The following ANK3 variants were observed in gnomAD, a reference collection of about 807,000 sequenced individuals.
The protein encoded by ANK3 is ankyrin 3.
Under a neutral mutation model 370.9 loss-of-function variants are expected in ANK3, and 57 were observed. The observed-to-expected ratio is 0.15, with a 90% CI of 0.12 to 0.19. The LOEUF (loss-of-function observed/expected upper bound fraction) is 0.19. Ranked by LOEUF, ANK3 falls within the 10% of genes least tolerant of loss-of-function variation. The pLI is 1.00. For synonymous variants in ANK3, 1,929 were observed against 1,946.3 expected (o/e 0.99, Z 0.23); for missense variants, 4,439 against 5,302.1 (o/e 0.84, Z 5.06).
intron 2 of ANK3, among the ~76,000 whole-genome samples, chr10:60,420,611 C>A (rs2063758507): frequency 6.6e-6 from 1 of 151,976 alleles, no homozygotes; most frequent in South Asian, 2.1e-4. Flanking sequence ...GTTTCTAGGA[C>A]AGTATTGTGC....
chr10:60,098,018 G>C (rs2090472869), intron 28 of ANK3, among the ~76,000 whole-genome samples: 1 of 152,164 alleles, frequency 6.6e-6, no homozygotes, highest in African/African-American at 2.4e-5. Flanking sequence ...ACTGTAGACA[G>C]GTGCCCAGGG....
chr10:60,080,237 T>G (rs1454685381), intron 36 of ANK3, among the ~76,000 whole-genome samples: 2 of 148,112 alleles, frequency 1.4e-5, no homozygotes, highest in Non-Finnish European at 2.9e-5. Context: ...ACATTCATAT[T>G]TATCTCCTAG....
intron 1 of ANK3, among the ~76,000 whole-genome samples, chr10:60,326,994 T>C (rs992690767): frequency 2.0e-5 from 3 of 147,396 alleles, no homozygotes; most frequent in Non-Finnish European, 2.9e-5. Context: ...CACTCCAGCC[T>C]GGGCGACCGA....
At chr10:60,395,590 TTCTTTC>T (rs2063211087) in intron 2 of ANK3, among the ~76,000 whole-genome samples, 1 of 122,992 alleles carries the variant, frequency 8.1e-6, no homozygotes, top group South Asian at 2.7e-4. Context: ...CTTTCTTTCT[TTCTTTC>T]TTTCTTTCTT....
intron 2 of ANK3, among the ~76,000 whole-genome samples, chr10:60,406,750 C>T (rs1455381586): frequency 6.6e-6 from 1 of 152,170 alleles, no homozygotes; most frequent in African/African-American, 2.4e-5. Context: ...TTTCCTATCA[C>T]TTGGGTTTAT....
Position 60,071,159 on chromosome 10 carries a change from T to C in ANK3, c.9722A>G (p.Asn3241Ser). 1 of 1,614,134 alleles carries C rather than the reference T, an allele frequency of 6.2e-7. No homozygotes were observed. Among genetic ancestry groups the C allele is most frequent in the Non-Finnish European group, 8.5e-7 (1 of 1,180,002 alleles). ...AACTCTGTTATTTTTGGGTCTTTGG[T>C]TAGAGTCTTTGCTCACGTCATTAGG... ...EMPNDVSKDSNQRPKNNRVAY... is the reference protein window; with the variant it reads ...EMPNDVSKDSSQRPKNNRVAY... The change falls in exon 37 of 44, where the codon AAC becomes AGC. Residue 3241 changes from asparagine (N) to serine (S), a missense_variant. Physicochemically the swap from Asn to Ser is conservative, Grantham distance 46 (BLOSUM62 1). Around this residue, in one of 13 missense-constraint regions of ANK3, gnomAD observed 1,601 missense variants for 1,731.7 expected, o/e 0.92. Coordinates refer to ENST00000280772, the MANE Select transcript of ANK3 (RefSeq NM_020987.5).
At chr10:60,181,474 A>C in intron 17 of ANK3, 47 bp from the exon 18 acceptor site, 5 of 1,521,684 alleles carry the variant, frequency 3.3e-6, no homozygotes, top group Non-Finnish European at 4.6e-6. Context: ...AAGGAATGTC[A>C]CACACATAGC....
chr10:60,296,034 C>T (rs1165703669), intron 1 of ANK3, among the ~76,000 whole-genome samples: 2 of 152,002 alleles, frequency 1.3e-5, no homozygotes, highest in African/African-American at 2.4e-5. Context: ...CTAACACCTC[C>T]GAAGAGAACA....
intron 2 of ANK3, among the ~76,000 whole-genome samples, chr10:60,425,796 T>C (rs900788070): frequency 6.6e-6 from 1 of 152,112 alleles, no homozygotes; most frequent in African/African-American, 2.4e-5. Flanking sequence ...AAAGTTCAAA[T>C]AGGCTTAGAG....
chr10:60,481,106 G>A (rs763941360), intron 2 of ANK3, among the ~76,000 whole-genome samples: 2 of 152,020 alleles, frequency 1.3e-5, no homozygotes, highest in Non-Finnish European at 2.9e-5. Context: ...AACCTCCCTG[G>A]TTATTCATCT....
At chr10:60,198,222 C>T (rs1230829482) in intron 14 of ANK3, 118 bp downstream of exon 14, 4 of 990,774 alleles carry the variant, frequency 4.0e-6, no homozygotes, top group South Asian at 3.1e-5. Context: ...TTAATGACTA[C>T]TGTGGGATCG....
chr10:60,138,304 T>G (rs984899850), intron 24 of ANK3, among the ~76,000 whole-genome samples: 7 of 152,224 alleles, frequency 4.6e-5, no homozygotes, highest in African/African-American at 1.7e-4. Flanking sequence ...AGGTTCTGTT[T>G]CTTTCAACTA....
chr10:60,609,326 C>T (rs1256008625), intron 2 of ANK3, among the ~76,000 whole-genome samples: 1 of 152,118 alleles, frequency 6.6e-6, no homozygotes, highest in Admixed American at 6.6e-5. Flanking sequence ...CTCTGAATTA[C>T]TAGGCTATAC....
chr10:60,147,641 G>A (rs186634712), intron 23 of ANK3, among the ~76,000 whole-genome samples: 18 of 152,102 alleles, frequency 1.2e-4, no homozygotes, highest in Non-Finnish European at 2.4e-4. Flanking sequence ...TGCTGTTCTC[G>A]TGATAGTGAG....
chr10:60,598,283 A>G (rs1375966807), intron 2 of ANK3, among the ~76,000 whole-genome samples: 1 of 152,236 alleles, frequency 6.6e-6, no homozygotes, highest in African/African-American at 2.4e-5. Flanking sequence ...CTTTGGTGAT[A>G]TCCATATACT....
At chr10:60,374,446 T>C (rs1566914681) in intron 1 of ANK3, among the ~76,000 whole-genome samples, 1 of 151,934 alleles carries the variant, frequency 6.6e-6, no homozygotes, top group Non-Finnish European at 1.5e-5. Flanking sequence ...GTTGGAAGGA[T>C]TTGTATATAT....
intron 7 of ANK3, 75 bp from the exon 8 acceptor site, chr10:60,234,861 A>G (rs1002502709): frequency 7.0e-6 from 6 of 857,996 alleles, no homozygotes; most frequent in African/African-American, 6.7e-5. Context: ...ACTTCCCCCA[A>G]CATATCCCCA....
At chr10:60,591,687 C>A (rs1291478070) in intron 2 of ANK3, among the ~76,000 whole-genome samples, 1 of 152,090 alleles carries the variant, frequency 6.6e-6, no homozygotes, top group Non-Finnish European at 1.5e-5. Context: ...TATCCATCAA[C>A]ATATGAATGG....
chr10:60,395,624 C>CTTTCTT (rs60220666), intron 2 of ANK3, among the ~76,000 whole-genome samples: 1 of 61,300 alleles, frequency 1.6e-5, no homozygotes. Context: ...TTCGTTCTCT[C>CTTTCTT]TCTCTCTCTC....
Sources: gnomAD v4.1 joint callset for allele counts (sites outside exome capture counted in the v4.1 genomes callset) on GRCh38, gnomAD v4.1.1 for gene constraint, gnomAD v4.1.1 regional missense constraint, MANE v1.5 for transcripts, NCBI Gene and HGNC (gene_info 2026-07-23, HGNC 2026-07-21) for gene names.